The following EXOC4 variants were observed in gnomAD, a reference collection of about 807,000 sequenced individuals.
EXOC4 encodes the protein exocyst complex component 4.
EXOC4 carries 71 observed loss-of-function variants against 107.2 expected under a neutral mutation model. The observed-to-expected ratio is 0.66, with a 90% CI of 0.55 to 0.81. EXOC4 has a LOEUF of 0.81. EXOC4 is among the 30% of genes least tolerant of loss of function. EXOC4 has a pLI of 0.00. For synonymous variants in EXOC4, 456 were observed against 441.2 expected (o/e 1.03, Z -0.42); for missense variants, 1,108 against 1,189.6 (o/e 0.93, Z 1.01).
chr7:133,525,131 G>C (rs150263998), intron 9 of EXOC4, among the ~76,000 whole-genome samples: 7 of 152,234 alleles, frequency 4.6e-5, no homozygotes, highest in Non-Finnish European at 7.4e-5. Context: ...GCTTCATAGT[G>C]TCCCTTCTGG....
chr7:133,880,818 A>C (rs1798950211), intron 11 of EXOC4, among the ~76,000 whole-genome samples: 1 of 152,202 alleles, frequency 6.6e-6, no homozygotes, highest in Admixed American at 6.5e-5. Context: ...TGTTAAAAAT[A>C]TATATTATTG....
intron 10 of EXOC4, among the ~76,000 whole-genome samples, chr7:133,631,216 G>C (rs2151015946): frequency 6.6e-6 from 1 of 152,058 alleles, no homozygotes; most frequent in Middle Eastern, 3.4e-3. Flanking sequence ...CTAAATGTTA[G>C]GTACTTCAGA....
intron 14 of EXOC4, among the ~76,000 whole-genome samples, chr7:133,959,299 A>C (rs2953633): frequency 0.7 from 106,133 of 151,918 alleles, 37,491 homozygotes; most frequent in East Asian, 0.91. Flanking sequence ...ATATCCCTAG[A>C]AGAAATAAGA....
chr7:133,522,191 C>A (rs1036810834), intron 9 of EXOC4, among the ~76,000 whole-genome samples: 1 of 152,066 alleles, frequency 6.6e-6, no homozygotes, highest in Non-Finnish European at 1.5e-5. Context: ...CAGTTGTGGA[C>A]CTTCATTATC....
At chr7:133,475,945 T>G (rs1799001143) in intron 8 of EXOC4, among the ~76,000 whole-genome samples, 1 of 152,164 alleles carries the variant, frequency 6.6e-6, no homozygotes, top group African/African-American at 2.4e-5. Context: ...ATAACCTTAG[T>G]TAACTCCATG....
intron 11 of EXOC4, among the ~76,000 whole-genome samples, chr7:133,832,702 A>G (rs956816638): frequency 6.6e-6 from 1 of 152,232 alleles, no homozygotes; most frequent in Non-Finnish European, 1.5e-5. Flanking sequence ...ATACATTCAC[A>G]TATTGAAGGA....
intron 9 of EXOC4, among the ~76,000 whole-genome samples, chr7:133,500,959 T>G (rs916062628): frequency 6.6e-6 from 1 of 152,202 alleles, no homozygotes; most frequent in African/African-American, 2.4e-5. Flanking sequence ...TTATATGTCA[T>G]GTCTTTTAGA....
chr7:133,988,997 G>A (rs1363954034), intron 14 of EXOC4, among the ~76,000 whole-genome samples: 1 of 152,106 alleles, frequency 6.6e-6, no homozygotes, highest in Non-Finnish European at 1.5e-5. Flanking sequence ...TATTTAATTA[G>A]ATAAAAGGGG....
At chr7:133,729,752 G>A (rs1219623397) in intron 10 of EXOC4, among the ~76,000 whole-genome samples, 1 of 151,984 alleles carries the variant, frequency 6.6e-6, no homozygotes, top group African/African-American at 2.4e-5. Context: ...TATTTTGATG[G>A]TAACTTTTTA....
intron 7 of EXOC4, among the ~76,000 whole-genome samples, chr7:133,408,644 A>G (rs1297480183): frequency 6.6e-6 from 1 of 152,038 alleles, no homozygotes; most frequent in East Asian, 1.9e-4. Context: ...CTCTGGGATG[A>G]TCTAATTTCA....
intron 6 of EXOC4, among the ~76,000 whole-genome samples, chr7:133,362,424 G>T (rs186215439): frequency 6.6e-6 from 1 of 152,224 alleles, no homozygotes; most frequent in Non-Finnish European, 1.5e-5. Context: ...TAATTCTAAC[G>T]CTGAGTCGTT....
At chr7:133,348,450 T>C (rs566650521) in intron 5 of EXOC4, among the ~76,000 whole-genome samples, 11 of 152,216 alleles carry the variant, frequency 7.2e-5, no homozygotes, top group Non-Finnish European at 1.5e-4. Context: ...TCAAGTCTTA[T>C]TGATTTAAAC....
chr7:133,626,052 C>G (rs936279725), intron 9 of EXOC4, among the ~76,000 whole-genome samples: 5 of 152,026 alleles, frequency 3.3e-5, no homozygotes, highest in Admixed American at 1.3e-4. Flanking sequence ...ACTAAAAATA[C>G]AAAAATTAGC....
intron 7 of EXOC4, among the ~76,000 whole-genome samples, chr7:133,434,990 T>C (rs1399105815): frequency 6.6e-6 from 1 of 152,222 alleles, no homozygotes; most frequent in Admixed American, 6.5e-5. Flanking sequence ...TCAGTGTGGC[T>C]TAATTTTCCA....
chr7:133,293,888 T>G (rs138640086), intron 3 of EXOC4, among the ~76,000 whole-genome samples: 1 of 152,208 alleles, frequency 6.6e-6, no homozygotes, highest in African/African-American at 2.4e-5. Flanking sequence ...CTTTGTGATA[T>G]GTACGGTTTA....
chr7:133,314,558 C>T lies in EXOC4; in HGVS notation c.657-2726C>T, dbSNP rs377109886. ...AGTTGAAATGGCAAGCTGTTTATCA[C>T]CCTAAATTTAACTGAAATATGTTTT... On this transcript the variant is annotated intron_variant, in intron 4 of 17. Coordinates refer to ENST00000253861, the MANE Select transcript of EXOC4 (RefSeq NM_021807.4). Among the ~76,000 whole-genome samples, 10 of 152,272 alleles carry T rather than the reference C, an allele frequency of 6.6e-5. No individual in the cohort carries two copies. In the East Asian group the frequency reaches 1.9e-3, roughly 29 times the overall value.
intron 9 of EXOC4, among the ~76,000 whole-genome samples, chr7:133,483,310 A>G (rs958978606): frequency 6.6e-6 from 1 of 152,156 alleles, no homozygotes; most frequent in African/African-American, 2.4e-5. Flanking sequence ...GTTGAAGGCA[A>G]AGTAGAGGGT....
At chr7:133,373,156 C>A (rs1796413821) in intron 6 of EXOC4, among the ~76,000 whole-genome samples, 1 of 152,102 alleles carries the variant, frequency 6.6e-6, no homozygotes, top group East Asian at 1.9e-4. Flanking sequence ...CAGTTTTATA[C>A]CGATTATTTC....
intron 9 of EXOC4, among the ~76,000 whole-genome samples, chr7:133,567,453 T>C (rs910821569): frequency 1.3e-5 from 2 of 152,158 alleles, no homozygotes; most frequent in Non-Finnish European, 2.9e-5. Context: ...ATGTTGTTTC[T>C]AGTCCTTTGT....
Sources: gnomAD v4.1 joint callset for allele counts (sites outside exome capture counted in the v4.1 genomes callset) on GRCh38, gnomAD v4.1.1 for gene constraint, MANE v1.5 for transcripts, NCBI Gene and HGNC (gene_info 2026-07-23, HGNC 2026-07-21) for gene names.